HYCC1: variants seen among roughly 807,000 people sequenced by gnomAD.
HYCC1 encodes the protein hyccin PI4KA lipid kinase complex subunit 1.
the HYCC1 span, among the ~76,000 whole-genome samples, chr7:22,896,175 A>G: frequency 6.6e-6 from 1 of 152,228 alleles, no homozygotes; most frequent in Non-Finnish European, 1.5e-5. Context: ...AAAATGTTTC[A>G]AGTATTCAAC....
At chr7:22,999,093 C>T in the HYCC1 span, among the ~76,000 whole-genome samples, 2 of 152,122 alleles carry the variant, frequency 1.3e-5, no homozygotes, top group Non-Finnish European at 2.9e-5. Flanking sequence ...AAAACAGCAT[C>T]ATCTGATTAT....
chr7:22,966,865 G>A, the HYCC1 span, among the ~76,000 whole-genome samples: 11 of 151,968 alleles, frequency 7.2e-5, no homozygotes, highest in Non-Finnish European at 1.6e-4. Flanking sequence ...AAGTAAGCAG[G>A]GAAACAGAAA....
At chr7:22,904,473 C>T in the HYCC1 span, among the ~76,000 whole-genome samples, 1 of 150,970 alleles carries the variant, frequency 6.6e-6, no homozygotes, top group Non-Finnish European at 1.5e-5. Flanking sequence ...ATATATATGT[C>T]TTTGGTAACC....
chr7:23,008,947 A>T, the HYCC1 span, among the ~76,000 whole-genome samples: 1 of 152,078 alleles, frequency 6.6e-6, no homozygotes, highest in Admixed American at 6.5e-5. Context: ...CTAAGTAGTG[A>T]GGTATCATAA....
the HYCC1 span, among the ~76,000 whole-genome samples, chr7:22,952,441 C>A: frequency 6.6e-6 from 1 of 151,862 alleles, no homozygotes; most frequent in Admixed American, 6.6e-5. Context: ...CTAGACAATG[C>A]CCCTAAGGCA....
At chr7:22,984,360 T>A in the HYCC1 span, among the ~76,000 whole-genome samples, 1 of 152,310 alleles carries the variant, frequency 6.6e-6, no homozygotes, top group East Asian at 1.9e-4. Flanking sequence ...ATATACTTTA[T>A]CCTCTTATCA....
chr7:22,962,757 C>CCCCCCCCCCACCCCCCCACCCCCCCCA, the HYCC1 span, among the ~76,000 whole-genome samples: 1 of 134,380 alleles, frequency 7.4e-6, no homozygotes, highest in Non-Finnish European at 1.6e-5. Context: ...ATTTCCATGC[C>CCCCCCCCCCACCCCCCCACCCCCCCCA]CCCCCACCCA....
At chr7:22,956,422 A>G in the HYCC1 span, among the ~76,000 whole-genome samples, 1 of 151,840 alleles carries the variant, frequency 6.6e-6, no homozygotes, top group South Asian at 2.1e-4. Context: ...ATTTAAACAC[A>G]AAGTTTAAAA....
the HYCC1 span, among the ~76,000 whole-genome samples, chr7:22,898,774 T>C: frequency 6.6e-6 from 1 of 151,822 alleles, no homozygotes; most frequent in African/African-American, 2.4e-5. Context: ...GGATAATTTT[T>C]GTATTTTTAG....
chr7:22,979,205 C>G, the HYCC1 span, among the ~76,000 whole-genome samples: 1 of 152,090 alleles, frequency 6.6e-6, no homozygotes, highest in East Asian at 1.9e-4. Flanking sequence ...AACTAATTTA[C>G]AGTGGATGTT....
chr7:22,911,228 G>A, the HYCC1 span, among the ~76,000 whole-genome samples: 1 of 152,140 alleles, frequency 6.6e-6, no homozygotes, highest in Non-Finnish European at 1.5e-5. Context: ...AGGAAACAGG[G>A]GCCTTGTAAA....
chr7:22,945,318 C>A, the HYCC1 span: 6 of 486,312 alleles, frequency 1.2e-5, no homozygotes, highest in Non-Finnish European at 2.2e-5. Context: ...TTTATTGTCA[C>A]TGACAATCTT....
chr7:22,909,443 T>C, the HYCC1 span, among the ~76,000 whole-genome samples: 2 of 152,154 alleles, frequency 1.3e-5, no homozygotes, highest in Non-Finnish European at 2.9e-5. Flanking sequence ...TCTTATTAAT[T>C]ACCCAGTCTC....
the HYCC1 span, chr7:22,960,387 G>C: frequency 1.9e-6 from 3 of 1,613,260 alleles, no homozygotes; most frequent in Non-Finnish European, 2.5e-6. Context: ...GGGACCATGA[G>C]GCAATGAAGC....
chr7:23,004,720 T>C, the HYCC1 span, among the ~76,000 whole-genome samples: 5 of 152,206 alleles, frequency 3.3e-5, no homozygotes, highest in Admixed American at 3.3e-4. Flanking sequence ...ACTAGAAGGA[T>C]TCCCTTTATA....
At chr7:23,004,625 CATT>C in the HYCC1 span, among the ~76,000 whole-genome samples, 1 of 151,876 alleles carries the variant, frequency 6.6e-6, no homozygotes, top group African/African-American at 2.4e-5. Flanking sequence ...CTCAACCCAT[CATT>C]ATCATGGGTA....
chr7:22,988,422 T>C, the HYCC1 span, among the ~76,000 whole-genome samples: 98,441 of 151,928 alleles, frequency 0.65, 31,866 homozygotes, highest in Non-Finnish European at 0.66. Context: ...TAAAATATTG[T>C]TACCCACATA....
the HYCC1 span, among the ~76,000 whole-genome samples, chr7:22,910,297 G>A: frequency 6.6e-6 from 1 of 152,116 alleles, no homozygotes; most frequent in African/African-American, 2.4e-5. Context: ...TCACAAGAGA[G>A]CTAGTTGGTT....
chr7:22,986,119 G>A, the HYCC1 span, among the ~76,000 whole-genome samples: 388 of 151,990 alleles, frequency 2.6e-3, no homozygotes, highest in African/African-American at 8.9e-3. Flanking sequence ...TGACCGTCAC[G>A]AGGTAAAATA....
Sources: allele counts gnomAD v4.1 joint callset (sites outside exome capture counted in the v4.1 genomes callset), GRCh38; gene constraint gnomAD v4.1.1; transcripts MANE v1.5; gene names NCBI Gene and HGNC (gene_info 2026-07-23, HGNC 2026-07-21).